The following AKAP6 variants were observed in gnomAD, a reference collection of about 807,000 sequenced individuals.
The protein encoded by AKAP6 is A-kinase anchor protein 6.
Under a neutral mutation model 188.5 loss-of-function variants are expected in AKAP6, and 58 were observed. That is an observed-to-expected ratio of 0.31 (90% confidence interval 0.25 to 0.38). The LOEUF (loss-of-function observed/expected upper bound fraction) is 0.38, where lower values mean the gene tolerates loss of function less well. Ranked by LOEUF, AKAP6 falls within the 10% of genes least tolerant of loss-of-function variation. The pLI, the probability that AKAP6 is intolerant of heterozygous loss-of-function variation, is 1.00. For synonymous variants in AKAP6, 989 were observed against 998.6 expected (o/e 0.99, Z 0.18); for missense variants, 2,710 against 2,740.0 (o/e 0.99, Z 0.24).
chr14:32,497,039 G>A (rs17412060), intron 2 of AKAP6, among the ~76,000 whole-genome samples: 15,823 of 152,056 alleles, frequency 0.1, 959 homozygotes, highest in Non-Finnish European at 0.14. Flanking sequence ...TTTGAGATCC[G>A]GAGACCGTGG....
At chr14:32,655,724 G>A (rs1273196023) in intron 7 of AKAP6, among the ~76,000 whole-genome samples, 1 of 152,142 alleles carries the variant, frequency 6.6e-6, no homozygotes, top group African/African-American at 2.4e-5. Context: ...CTTTCTATTT[G>A]GGAGCTGGTG....
intron 11 of AKAP6, among the ~76,000 whole-genome samples, chr14:32,752,968 G>T (rs2032196052): frequency 1.3e-5 from 2 of 151,932 alleles, no homozygotes; most frequent in South Asian, 2.1e-4. Flanking sequence ...GATCAGTTTG[G>T]TTTTTTCCAT....
intron 2 of AKAP6, among the ~76,000 whole-genome samples, chr14:32,490,067 A>G (rs189989277): frequency 7.3e-4 from 111 of 152,190 alleles, no homozygotes; most frequent in Non-Finnish European, 1.3e-3. Context: ...AGTTACAGAG[A>G]ACCTTCTTAA....
intron 1 of AKAP6, among the ~76,000 whole-genome samples, chr14:32,389,692 T>C (rs1481302737): frequency 6.6e-6 from 1 of 152,232 alleles, no homozygotes; most frequent in East Asian, 1.9e-4. Flanking sequence ...TTCTAGCTTG[T>C]AGGGTTTCTG....
At chr14:32,397,994 G>A (rs938243030) in intron 1 of AKAP6, among the ~76,000 whole-genome samples, 1 of 152,126 alleles carries the variant, frequency 6.6e-6, no homozygotes, top group African/African-American at 2.4e-5. Flanking sequence ...TGGCAATGTT[G>A]CTTTTTCCTT....
At chr14:32,730,773 T>C (rs947966819) in intron 9 of AKAP6, among the ~76,000 whole-genome samples, 8 of 152,334 alleles carry the variant, frequency 5.3e-5, no homozygotes, top group Middle Eastern at 3.4e-3. Context: ...GTCAGCTATA[T>C]CATTTTAGAT....
At chr14:32,414,489 A>G (rs1011201121) in intron 1 of AKAP6, among the ~76,000 whole-genome samples, 1 of 152,120 alleles carries the variant, frequency 6.6e-6, no homozygotes, top group Non-Finnish European at 1.5e-5. Context: ...TCAGGAAATG[A>G]TGCTCTGAAT....
At chr14:32,458,849 G>T (rs1255068883) in intron 2 of AKAP6, among the ~76,000 whole-genome samples, 2 of 152,072 alleles carry the variant, frequency 1.3e-5, no homozygotes, top group African/African-American at 4.8e-5. Flanking sequence ...AAGGAAAAAA[G>T]AATTTCAGGA....
intron 7 of AKAP6, among the ~76,000 whole-genome samples, chr14:32,656,043 T>C (rs1321103132): frequency 6.6e-6 from 1 of 152,112 alleles, no homozygotes; most frequent in Non-Finnish European, 1.5e-5. Flanking sequence ...ACATGAAACA[T>C]AATAAAAATC....
intron 1 of AKAP6, among the ~76,000 whole-genome samples, chr14:32,355,306 T>C (rs1445789281): frequency 1.3e-5 from 2 of 152,176 alleles, no homozygotes; most frequent in African/African-American, 4.8e-5. Flanking sequence ...AATCCTGCAA[T>C]GTTGCAGTGT....
At chr14:32,356,239 G>T (rs1000932463) in intron 1 of AKAP6, among the ~76,000 whole-genome samples, 5 of 151,990 alleles carry the variant, frequency 3.3e-5, no homozygotes, top group African/African-American at 1.2e-4. Flanking sequence ...GCAGTCCTAG[G>T]ACTCTAGGTG....
intron 12 of AKAP6, among the ~76,000 whole-genome samples, chr14:32,794,979 T>C (rs1253149252): frequency 6.6e-6 from 1 of 151,816 alleles, no homozygotes; most frequent in Non-Finnish European, 1.5e-5. Context: ...CCCACAGAAA[T>C]ACAACCATTA....
Position 32,823,058 on chromosome 14 carries a change from G to A in AKAP6, c.5245G>A (p.Asp1749Asn). 1 of 1,613,810 alleles carries A rather than the reference G, an allele frequency of 6.2e-7. No individual in the cohort carries two copies. Among genetic ancestry groups the A allele is most frequent in the Non-Finnish European group, 8.5e-7 (1 of 1,179,904 alleles). ...CTCTTGCACCTCTGCTTGCACTGATGATGAAGATGACAGCGACCTGCTCTC... is the reference window on the plus strand; with the variant it reads ...CTCTTGCACCTCTGCTTGCACTGATAATGAAGATGACAGCGACCTGCTCTC... ...NVSCTSACTDDEDDSDLLSSS... is the reference protein window; with the variant it reads ...NVSCTSACTDNEDDSDLLSSS... Residue 1749 changes from aspartate (D) to asparagine (N), a missense_variant, in exon 13 of 14, where the codon GAT becomes AAT. By Grantham distance (23) the Asp-to-Asn change is conservative. Transcript: ENST00000280979.
intron 11 of AKAP6, among the ~76,000 whole-genome samples, chr14:32,745,247 G>A (rs1251035346): frequency 6.6e-6 from 1 of 151,944 alleles, no homozygotes; most frequent in African/African-American, 2.4e-5. Flanking sequence ...GTTCTTCTTG[G>A]GAAGGCTTTC....
chr14:32,760,751 T>C (rs1217068650), intron 11 of AKAP6, among the ~76,000 whole-genome samples: 1 of 152,204 alleles, frequency 6.6e-6, no homozygotes, highest in East Asian at 1.9e-4. Flanking sequence ...ATCTTCACTT[T>C]GTTTTAGCTA....
At chr14:32,355,230 CTT>C (rs1887439258) in intron 1 of AKAP6, among the ~76,000 whole-genome samples, 1 of 150,428 alleles carries the variant, frequency 6.6e-6, no homozygotes, top group Non-Finnish European at 1.5e-5. Flanking sequence ...CATTTCAATA[CTT>C]ACATAATTTA....
chr14:32,713,519 G>A (rs2030009313), intron 9 of AKAP6, among the ~76,000 whole-genome samples: 1 of 151,718 alleles, frequency 6.6e-6, no homozygotes. Context: ...GTTATTTCGT[G>A]TGGCCACCTT....
intron 2 of AKAP6, among the ~76,000 whole-genome samples, chr14:32,454,299 T>C (rs1295297813): frequency 6.6e-6 from 1 of 152,220 alleles, no homozygotes; most frequent in East Asian, 1.9e-4. Context: ...CTTTTATTTC[T>C]TTGCATCTAG....
intron 1 of AKAP6, among the ~76,000 whole-genome samples, chr14:32,412,677 T>C (rs1889526915): frequency 6.6e-6 from 1 of 152,172 alleles, no homozygotes; most frequent in Non-Finnish European, 1.5e-5. Context: ...TACAAGTTCA[T>C]TGCTGTGTAC....
Sources: allele counts gnomAD v4.1 joint callset (sites outside exome capture counted in the v4.1 genomes callset), GRCh38; gene constraint gnomAD v4.1.1; transcripts MANE v1.5; gene names NCBI Gene and HGNC (gene_info 2026-07-23, HGNC 2026-07-21).